ZNF707: variants seen among roughly 807,000 people sequenced by gnomAD.
ZNF707 encodes zinc finger protein 707.
Under a neutral mutation model 13.3 loss-of-function variants are expected in ZNF707, and 8 were observed. That is an observed-to-expected ratio of 0.60 (90% CI 0.35 to 1.09). The LOEUF (loss-of-function observed/expected upper bound fraction) is 1.09, where lower values mean the gene tolerates loss of function less well. Ranked by LOEUF, ZNF707 falls within the 50% of genes least tolerant of loss-of-function variation. The pLI, the probability that ZNF707 is intolerant of heterozygous loss-of-function variation, is 0.02. For missense variants in ZNF707, 530 were observed against 512.6 expected (o/e 1.03, Z -0.33); for synonymous variants, 225 against 205.6 (o/e 1.09, Z -0.81).
chr8:143,691,166 A>G lies in ZNF707; in HGVS notation c.109A>G (p.Met37Val). The change falls in exon 4 of 6, where the codon ATG becomes GTG. Residue 37 changes from methionine (M) to valine (V), a missense_variant. Transcript: ENST00000358656. Reference protein sequence around the residue: ...PSQRALYRDVMLDNFSSVAAL... With the variant: ...PSQRALYRDVVLDNFSSVAAL... The stretch of plus-strand genomic sequence containing the variant: ...CCAGAGGGCCCTCTACCGGGACGTG[A>G]TGCTGGACAACTTCAGCAGTGTGGC... The G allele has an allele frequency of 1.2e-6, 2 of 1,613,620 alleles. No individual in the cohort carries two copies. The highest frequency in any genetic ancestry group is 1.1e-5 in the South Asian group (1 of 91,078).
At position 143,693,914 on chromosome 8, in the gene ZNF707, G is replaced by T; in HGVS notation, c.500G>T (p.Arg167Leu). The T allele has an allele frequency of 1.2e-6, 2 of 1,606,352 alleles. No homozygotes were observed. The highest frequency in any genetic ancestry group is 1.7e-6 in the Non-Finnish European group (2 of 1,176,142). The change falls in exon 6 of 6, where the codon CGG becomes CTG. Residue 167 changes from arginine to leucine, a missense_variant. By Grantham distance (102) the Arg-to-Leu change is moderately radical. Coordinates refer to ENST00000358656, the MANE Select transcript of ZNF707 (RefSeq NM_001100598.2). The surrounding 1 kb of genome is among the most constrained non-coding windows in gnomAD (Gnocchi z 4.1). ...CGRRPGRRER[R>L]KQRAVELSFI... ...CGGCGGCCGGGCCGCAGAGAGCGCC[G>T]GAAGCAGCGCGCAGTAGAGCTGTCA...
chr8:143,689,720 A>G (rs1037805066), intron 2 of ZNF707, among the ~76,000 whole-genome samples: 15 of 152,106 alleles, frequency 9.9e-5, no homozygotes, highest in Non-Finnish European at 1.8e-4. Context: ...TAGACTCTCC[A>G]GTCATGTGTT....
intron 4 of ZNF707, 43 bp from the exon 5 acceptor site, chr8:143,691,557 C>T (rs782092002): frequency 1.3e-6 from 2 of 1,547,382 alleles, no homozygotes; most frequent in Admixed American, 1.9e-5. Flanking sequence ...CTCACTTTGT[C>T]CTCAGTACAA....
chr8:143,691,972 C>A, intron 5 of ZNF707: 1 of 1,418,664 alleles, frequency 7.0e-7, no homozygotes, highest in Non-Finnish European at 9.5e-7. Flanking sequence ...GGGCCTGAGG[C>A]TGGAGTGACA....
In ZNF707 at chr8:143,693,650, G is replaced by C. The variant is rs1338922006; in HGVS notation, c.257-21G>C. On this transcript the variant is annotated intron_variant, in intron 5 of 5. Transcript: ENST00000358656. This position sits in a 1 kb window ranked among gnomAD's most constrained non-coding sequence, Gnocchi z 4.1. The stretch of plus-strand genomic sequence containing the variant: ...GCTGTGGGCCACTGGCTCTGTGTAA[G>C]GGTGTCTGTTCCTTCCACAGGGGCA... 2.6e-6 allele frequency: 4 copies of C among 1,547,842 alleles called. No homozygotes were observed. The African/African-American group carries it at 5.5e-5, about 21-fold the overall frequency.
intron 5 of ZNF707, 72 bp downstream of exon 5, chr8:143,691,785 C>G: frequency 7.6e-7 from 1 of 1,321,256 alleles, no homozygotes; most frequent in South Asian, 1.3e-5. Context: ...GTGCTCAGCA[C>G]GCTGCAGTGA....
chr8:143,694,831 G>A lies in ZNF707; in HGVS notation c.*301G>A, dbSNP rs1037921281. On this transcript the variant is annotated 3_prime_UTR_variant, in exon 6 of 6. Coordinates refer to ENST00000358656, the MANE Select transcript of ZNF707 (RefSeq NM_001100598.2). This position sits in a 1 kb window ranked among gnomAD's most constrained non-coding sequence, Gnocchi z 4.4. ...CGACCCCGGAGCCACGTGCCAGGCC[G>A]GGCTCAGAGGCGGAGAAGCCTGCCT... 3 of 322,362 alleles carry A rather than the reference G, an allele frequency of 9.3e-6. No individual in the cohort carries two copies. In the Admixed American group the frequency reaches 1.4e-4, roughly 15 times the overall value. 20.0% of individuals were successfully genotyped at this position (322,362 alleles called of 1,614,324 possible). A position where few individuals can be genotyped will look rare whatever the true frequency, so the allele number is the denominator to read the frequency against.
In ZNF707 at chr8:143,694,188, G is replaced by T. The variant is rs1554614634; in HGVS notation, c.774G>T (p.Arg258Ser). Residue 258 changes from arginine (R) to serine (S), a missense_variant, in exon 6 of 6, where the codon AGG (arginine) becomes AGT (serine). Transcript: ENST00000358656. This position sits in a 1 kb window ranked among gnomAD's most constrained non-coding sequence, Gnocchi z 4.4. ...ACCGCAAGGTCCACACCGAGCACAG[G>T]CCCTACTCGTGTGGCGACTGTGGGA... Reference protein sequence around the residue: ...AQHRKVHTEHRPYSCGDCGKA... With the variant: ...AQHRKVHTEHSPYSCGDCGKA... 1.3e-6 allele frequency: 2 copies of T among 1,575,068 alleles called. No homozygotes were observed. The highest frequency in any genetic ancestry group is 2.3e-5 in the South Asian group (2 of 85,438).
Position 143,693,621 on chromosome 8 carries a change from C to T in ZNF707, c.257-50C>T. On this transcript the variant is annotated intron_variant, in intron 5 of 5. Transcript: ENST00000358656. The surrounding 1 kb of genome is among the most constrained non-coding windows in gnomAD (Gnocchi z 4.1). ...CCTCTGGGCTTTGCTGGAGGCACTG[C>T]CTGGCTGTGGGCCACTGGCTCTGTG... 1 of 1,488,872 alleles carries T rather than the reference C, an allele frequency of 6.7e-7. No homozygotes were observed. The highest frequency in any genetic ancestry group is 8.9e-7 in the Non-Finnish European group (1 of 1,120,042). The allele number at this position is 1,488,872 out of a possible 1,614,324, so 92.2% of individuals were successfully genotyped here.
rs1554614654 is a variant in ZNF707 at position 143,694,206 on chromosome 8, C to T, written c.792C>T (p.Asp264=). 2.5e-6 allele frequency: 4 copies of T among 1,577,190 alleles called. No homozygotes were observed. The highest frequency in any genetic ancestry group is 4.5e-5 in the East Asian group (2 of 44,134). Residue 264 remains aspartate (D), a synonymous_variant, in exon 6 of 6, where the codon GAC becomes GAT. Transcript: ENST00000358656. The surrounding 1 kb of genome is among the most constrained non-coding windows in gnomAD (Gnocchi z 4.4). ...AGCACAGGCCCTACTCGTGTGGCGA[C>T]TGTGGGAAAGCCTTCAAGCAGAAGT... ...HTEHRPYSCG[D]CGKAFKQKSN...
Position 143,693,807 on chromosome 8 carries a change from G to T in ZNF707, c.393G>T (p.Gly131=). The change falls in exon 6 of 6, where the codon GGG becomes GGT. Residue 131 remains glycine (G), a synonymous_variant. Coordinates refer to ENST00000358656, the MANE Select transcript of ZNF707 (RefSeq NM_001100598.2). The surrounding 1 kb of genome is among the most constrained non-coding windows in gnomAD (Gnocchi z 4.1). Reference sequence around the variant, plus strand: ...GCTTCAGGCTGGACACGGATGACGGGCAGCTTCCCAGAGCTGCTCCAGAAA... The same window carrying T: ...GCTTCAGGCTGGACACGGATGACGGTCAGCTTCCCAGAGCTGCTCCAGAAA... ...RKGFRLDTDD[G]QLPRAAPERT... The T allele has an allele frequency of 1.2e-6, 2 of 1,612,842 alleles. No individual in the cohort carries two copies. The highest frequency in any genetic ancestry group is 2.7e-5 in the African/African-American group (2 of 75,054).
In ZNF707 at chr8:143,691,162, C is replaced by G; in HGVS notation, c.105C>G (p.Asp35Glu). ...LEPSQRALYR[D>E]VMLDNFSSVA... is the part of the protein sequence containing the mutation. ...CCAGCCAGAGGGCCCTCTACCGGGA[C>G]GTGATGCTGGACAACTTCAGCAGTG... The change falls in exon 4 of 6, where the codon GAC (aspartate) becomes GAG (glutamate). Residue 35 changes from aspartate to glutamate, a missense_variant. Transcript: ENST00000358656. 7 of 1,613,688 alleles carry G rather than the reference C, an allele frequency of 4.3e-6. No individual in the cohort carries two copies. Among genetic ancestry groups the G allele is most frequent in the Non-Finnish European group, 5.9e-6 (7 of 1,179,740 alleles).
chr8:143,691,307 G>A (rs1816792838), intron 4 of ZNF707, 108 bp downstream of exon 4: 3 of 1,467,168 alleles, frequency 2.0e-6, no homozygotes, highest in African/African-American at 2.8e-5. Flanking sequence ...TCCCAGCTGA[G>A]GGGGCTCAGG....
intron 1 of ZNF707, among the ~76,000 whole-genome samples, chr8:143,686,299 T>G (rs1265200182): frequency 6.6e-6 from 1 of 152,118 alleles, no homozygotes; most frequent in African/African-American, 2.4e-5. Flanking sequence ...CTCGAACTTC[T>G]GACCTCAGGT....
intron 1 of ZNF707, among the ~76,000 whole-genome samples, chr8:143,685,457 C>G (rs1261279024): frequency 6.0e-5 from 9 of 149,164 alleles, no homozygotes; most frequent in African/African-American, 2.2e-4. Flanking sequence ...ACCCAAGAGG[C>G]AGAGGTTGCA....
chr8:143,686,420 C>G (rs536146975), intron 1 of ZNF707, among the ~76,000 whole-genome samples: 1 of 152,148 alleles, frequency 6.6e-6, no homozygotes, highest in Non-Finnish European at 1.5e-5. Context: ...GCTAGAGGAA[C>G]TCAGCAAGGT....
chr8:143,690,003 T>C, intron 2 of ZNF707, 54 bp from the exon 3 acceptor site: 2 of 1,438,204 alleles, frequency 1.4e-6, no homozygotes, highest in East Asian at 2.6e-5. Flanking sequence ...TGGGGTCAGG[T>C]GCGGGGGGCA....
chr8:143,687,839 C>T (rs1440122939), intron 1 of ZNF707, among the ~76,000 whole-genome samples: 1 of 152,064 alleles, frequency 6.6e-6, no homozygotes. Flanking sequence ...TCTTCTGTTC[C>T]TTGTTTGCTG....
chr8:143,686,502 A>G (rs1816285675), intron 1 of ZNF707, among the ~76,000 whole-genome samples: 2 of 152,218 alleles, frequency 1.3e-5, no homozygotes, highest in South Asian at 2.1e-4. Flanking sequence ...AGACCGTTGT[A>G]TAACTTTGGT....
Sources: allele counts gnomAD v4.1 joint callset (sites outside exome capture counted in the v4.1 genomes callset), GRCh38; gene constraint gnomAD v4.1.1; non-coding constraint Gnocchi (gnomAD v3.1); transcripts MANE v1.5; gene names NCBI Gene and HGNC (gene_info 2026-07-23, HGNC 2026-07-21).